The following OSBPL11 variants were observed in gnomAD, a reference collection of about 807,000 sequenced individuals.
OSBPL11 encodes the protein oxysterol-binding protein-related protein 11.
Under a neutral mutation model 84.4 loss-of-function variants are expected in OSBPL11, and 33 were observed. The ratio of observed to expected loss-of-function variants is 0.39; its 90% confidence interval spans 0.30 to 0.52. OSBPL11 has a LOEUF of 0.52. OSBPL11 is among the 20% of genes least tolerant of loss of function. The probability of loss-of-function intolerance (pLI) is 0.72; values close to 1 mark genes in which losing one functional copy is unlikely to be tolerated. For synonymous variants in OSBPL11, 276 were observed against 310.2 expected (o/e 0.89, Z 1.16); for missense variants, 736 against 901.1 (o/e 0.82, Z 2.35).
At chr3:125,585,653 T>C (rs553969625) in intron 1 of OSBPL11, among the ~76,000 whole-genome samples, 2 of 152,284 alleles carry the variant, frequency 1.3e-5, no homozygotes, top group South Asian at 2.1e-4. Flanking sequence ...ATTTTTATTA[T>C]ATAAAACAGC....
At chr3:125,539,250 G>A (rs1935686583) in intron 10 of OSBPL11, among the ~76,000 whole-genome samples, 1 of 138,746 alleles carries the variant, frequency 7.2e-6, no homozygotes, top group South Asian at 2.3e-4. Context: ...AGAACTCAGA[G>A]AGACCTTAAA....
intron 4 of OSBPL11, among the ~76,000 whole-genome samples, chr3:125,577,549 T>G (rs1257341565): frequency 6.6e-6 from 1 of 151,888 alleles, no homozygotes; most frequent in African/African-American, 2.4e-5. Context: ...GAACTCTCGC[T>G]GGGCGTGGTG....
chr3:125,588,844 G>GT (rs1936553011), intron 1 of OSBPL11, among the ~76,000 whole-genome samples: 1 of 152,192 alleles, frequency 6.6e-6, no homozygotes, highest in African/African-American at 2.4e-5. Context: ...GCAATTCTCA[G>GT]TAACCTGCCC....
In OSBPL11 at chr3:125,574,813, A is replaced by G. The variant is rs1398445569; in HGVS notation, c.666+1376T>C. Among the ~76,000 whole-genome samples the G allele has an allele frequency of 2.0e-5, 3 of 152,314 alleles. No individual in the cohort carries two copies. The East Asian group carries it at 5.8e-4, about 29-fold the overall frequency. On this transcript the variant is annotated intron_variant, in intron 5 of 12. Coordinates refer to ENST00000296220, the MANE Select transcript of OSBPL11 (RefSeq NM_022776.5). ...AAGATATGCATAACTCTGTAAACTA[A>G]TATCTCCAAAATGACTAATGCATGC...
intron 10 of OSBPL11, among the ~76,000 whole-genome samples, chr3:125,544,519 G>A (rs973632690): frequency 6.6e-6 from 1 of 152,118 alleles, no homozygotes; most frequent in Non-Finnish European, 1.5e-5. Context: ...CTATCTAGGT[G>A]CTAATATCTT....
At chr3:125,531,128 C>G (rs889357695) in intron 12 of OSBPL11, among the ~76,000 whole-genome samples, 1 of 142,042 alleles carries the variant, frequency 7.0e-6, no homozygotes, top group Admixed American at 7.0e-5. Flanking sequence ...ATTACAGGCA[C>G]GTGCCATACC....
At position 125,538,541 on chromosome 3, in the gene OSBPL11, T is replaced by C. The variant is rs749188122; in HGVS notation, c.1934A>G (p.Asn645Ser). 2.5e-6 allele frequency: 4 copies of C among 1,614,026 alleles called. No homozygotes were observed. The African/African-American group carries it at 4.0e-5, about 16-fold the overall frequency. ...CAAGTCCACATACTTTGTCTCTCCA[T>C]TGCTATATGTGAACTCAAGAACACT... ...WNSVLEFTYS[N>S]GETKYVDLTK... Residue 645 changes from asparagine to serine, a missense_variant, in exon 11 of 13, where the codon AAT (asparagine) becomes AGT (serine). By Grantham distance (46) the Asn-to-Ser change is conservative. Coordinates refer to ENST00000296220, the MANE Select transcript of OSBPL11 (RefSeq NM_022776.5).
At chr3:125,592,332 CA>C (rs1169170018) in intron 1 of OSBPL11, among the ~76,000 whole-genome samples, 1 of 152,092 alleles carries the variant, frequency 6.6e-6, no homozygotes, top group Non-Finnish European at 1.5e-5. Context: ...GGGTGAGCTA[CA>C]GTGCCAGCCA....
chr3:125,594,830 G>C lies in OSBPL11; in HGVS notation c.-30C>G, dbSNP rs1936656832. ...ACGCCAAAGTCCACTTGCCCTTCTT[G>C]AGCGGGAGAGAACAATTCTGTAGTT... On this transcript the variant is annotated 5_prime_UTR_variant, in exon 1 of 13. Transcript: ENST00000296220. The C allele has an allele frequency of 6.2e-7, 1 of 1,607,610 alleles. No homozygotes were observed. The highest frequency in any genetic ancestry group is 1.3e-5 in the African/African-American group (1 of 74,710).
chr3:125,552,905 C>T (rs1426790397), intron 8 of OSBPL11, among the ~76,000 whole-genome samples: 2 of 152,140 alleles, frequency 1.3e-5, no homozygotes, highest in Non-Finnish European at 2.9e-5. Flanking sequence ...ATTGTTTCAG[C>T]ACAGGAGTTC....
chr3:125,578,147 A>T (rs1302607049), intron 4 of OSBPL11, among the ~76,000 whole-genome samples: 1 of 152,222 alleles, frequency 6.6e-6, no homozygotes, highest in Non-Finnish European at 1.5e-5. Context: ...TTGATGGATT[A>T]AAAAAGTAGT....
chr3:125,542,402 C>T (rs1311592014), intron 10 of OSBPL11, among the ~76,000 whole-genome samples: 1 of 151,442 alleles, frequency 6.6e-6, no homozygotes, highest in African/African-American at 2.4e-5. Context: ...TCGGCACAAT[C>T]TCGGCTCACA....
Position 125,594,886 on chromosome 3 carries a change from A to G in OSBPL11, c.-86T>C. 1 of 1,443,638 alleles carries G rather than the reference A, an allele frequency of 6.9e-7. No individual in the cohort carries two copies. Among genetic ancestry groups the G allele is most frequent in the South Asian group, 1.4e-5 (1 of 73,420 alleles). 89.4% of individuals were successfully genotyped at this position (1,443,638 alleles called of 1,614,324 possible). A position where few individuals can be genotyped will look rare whatever the true frequency, so the allele number is the denominator to read the frequency against. On this transcript the variant is annotated 5_prime_UTR_variant, in exon 1 of 13. Coordinates refer to ENST00000296220, the MANE Select transcript of OSBPL11 (RefSeq NM_022776.5). ...GGTGACTTTTTTTTTTTAAGATTTGATCTGAATATGATACCGGTTGCTAAA... is the reference window on the plus strand; with the variant it reads ...GGTGACTTTTTTTTTTTAAGATTTGGTCTGAATATGATACCGGTTGCTAAA...
chr3:125,560,297 A>G (rs1012708820), intron 8 of OSBPL11, 82 bp downstream of exon 8: 1 of 1,218,746 alleles, frequency 8.2e-7, no homozygotes. Flanking sequence ...AAAGTAAATA[A>G]ATAAAAAGTC....
Position 125,560,418 on chromosome 3 carries a change from A to T in OSBPL11, c.1116T>A (p.His372Gln). 2 of 1,598,398 alleles carry T rather than the reference A, an allele frequency of 1.3e-6. No homozygotes were observed. Among genetic ancestry groups the T allele is most frequent in the Non-Finnish European group, 1.7e-6 (2 of 1,171,168 alleles). Reference sequence around the variant, plus strand: ...TGCCCAGCTTAAGCTGTGACAAGAGATGTAGGATGACACTACGTTGTTCTT... The same window carrying T: ...TGCCCAGCTTAAGCTGTGACAAGAGTTGTAGGATGACACTACGTTGTTCTT... ...AVEEQRSVIL[H>Q]LLSQLKLGMD... Residue 372 changes from histidine to glutamine, a missense_variant, in exon 8 of 13, where the codon CAT (histidine) becomes CAA (glutamine). His to Gln is a conservative substitution (Grantham distance 24). Coordinates refer to ENST00000296220, the MANE Select transcript of OSBPL11 (RefSeq NM_022776.5).
At chr3:125,542,570 A>C (rs1413318802) in intron 10 of OSBPL11, among the ~76,000 whole-genome samples, 9 of 147,538 alleles carry the variant, frequency 6.1e-5, no homozygotes, top group Non-Finnish European at 1.2e-4. Context: ...GTGCAGTGGC[A>C]CGATCTCAGC....
At chr3:125,538,675 T>C in intron 10 of OSBPL11, 42 bp from the exon 11 acceptor site, 4 of 1,526,766 alleles carry the variant, frequency 2.6e-6, no homozygotes, top group Non-Finnish European at 3.5e-6. Flanking sequence ...TAATAAGTGA[T>C]ATCATGTTTG....
intron 10 of OSBPL11, 97 bp downstream of exon 10, chr3:125,547,309 C>A: frequency 4.0e-6 from 4 of 1,001,092 alleles, no homozygotes; most frequent in East Asian, 2.6e-5. Context: ...AATACAAATC[C>A]AACTTCACAT....
chr3:125,538,734 T>C (rs1935679500), intron 10 of OSBPL11, 101 bp from the exon 11 acceptor site: 1 of 1,019,222 alleles, frequency 9.8e-7, no homozygotes, highest in Non-Finnish European at 1.4e-6. Flanking sequence ...CCTGTTGAAA[T>C]TAGTTATATA....
Sources: gnomAD v4.1 joint callset for allele counts (sites outside exome capture counted in the v4.1 genomes callset) on GRCh38, gnomAD v4.1.1 for gene constraint, MANE v1.5 for transcripts, NCBI Gene and HGNC (gene_info 2026-07-23, HGNC 2026-07-21) for gene names.